Variants in LINGO1 observed in about 807,000 individuals in gnomAD.
The protein encoded by LINGO1 is leucine-rich repeat and immunoglobulin-like domain-containing nogo receptor-interacting protein 1.
LINGO1 carries 11 observed loss-of-function variants against 37.3 expected under a neutral mutation model. The observed-to-expected ratio is 0.29, with a 90% confidence interval of 0.19 to 0.49. The LOEUF is 0.49. Among genes scored for constraint, LINGO1 ranks in the 20% least tolerant of loss-of-function variants. The probability of loss-of-function intolerance (pLI) is 0.99; values close to 1 mark genes in which losing one functional copy is unlikely to be tolerated. For missense variants in LINGO1, 585 were observed against 878.2 expected, an observed-to-expected ratio of 0.67 and a Z score of 4.22; for synonymous variants, 387 against 403.0, an observed-to-expected ratio of 0.96 and a Z score of 0.48.
chr15:77,634,965 GCCA>G (rs2074367591), upstream of LINGO1, among the ~76,000 whole-genome samples: 1 of 152,188 alleles, frequency 6.6e-6, no homozygotes, highest in African/African-American at 2.4e-5. Context: ...GCAAGGCGCG[GCCA>G]CCACATCTCT....
At chr15:77,761,008 C>G (rs762334881) in intron 1 of LINGO1, among the ~76,000 whole-genome samples, 1 of 143,424 alleles carries the variant, frequency 7.0e-6, no homozygotes, top group Non-Finnish European at 1.5e-5. Context: ...CTCACTGCAA[C>G]CTTTGCCTCC....
chr15:77,616,701 C>T (rs569376184), intron 1 of LINGO1, among the ~76,000 whole-genome samples: 6 of 152,258 alleles, frequency 3.9e-5, no homozygotes, highest in South Asian at 4.2e-4. Context: ...TGGGTCCCAT[C>T]GGTGACCCAG....
At chr15:77,675,339 T>G (rs970045624) in intron 3 of LINGO1, among the ~76,000 whole-genome samples, 3 of 152,160 alleles carry the variant, frequency 2.0e-5, no homozygotes, top group Non-Finnish European at 4.4e-5. Flanking sequence ...AGAGGTTCCC[T>G]GAGTGAAGTT....
At chr15:77,790,184 C>A (rs538828297), upstream of LINGO1, among the ~76,000 whole-genome samples, 1 of 152,190 alleles carries the variant, frequency 6.6e-6, no homozygotes, top group Non-Finnish European at 1.5e-5. Context: ...CAAACTAATA[C>A]ACCCACAGAC....
intron 1 of LINGO1, among the ~76,000 whole-genome samples, chr15:77,766,481 C>T (rs1374888716): frequency 5.3e-5 from 8 of 152,012 alleles, no homozygotes; most frequent in Admixed American, 5.2e-4. Flanking sequence ...TATGATTTGG[C>T]TCTGTGTTCC....
At chr15:77,812,323 T>C (rs899771783) in intron 1 of LINGO1, among the ~76,000 whole-genome samples, 1 of 152,120 alleles carries the variant, frequency 6.6e-6, no homozygotes, top group African/African-American at 2.4e-5. Flanking sequence ...CCCCTACCGG[T>C]GGAGCAGAAA....
intron 1 of LINGO1, among the ~76,000 whole-genome samples, chr15:77,812,615 C>T (rs2077014802): frequency 6.6e-6 from 1 of 152,230 alleles, no homozygotes; most frequent in Non-Finnish European, 1.5e-5. Flanking sequence ...GTTTATTGAG[C>T]TTCCTGGTCA....
intron 2 of LINGO1, among the ~76,000 whole-genome samples, chr15:77,683,904 G>A (rs986942562): frequency 2.0e-5 from 3 of 151,854 alleles, no homozygotes; most frequent in Admixed American, 2.0e-4. Flanking sequence ...CAAATTCCCT[G>A]GCGTGGCACC....
At chr15:77,710,897 G>A (rs1233110816) in intron 2 of LINGO1, among the ~76,000 whole-genome samples, 3 of 152,360 alleles carry the variant, frequency 2.0e-5, no homozygotes, top group East Asian at 1.9e-4. Flanking sequence ...CCAATTTCCC[G>A]CTGTTGGCAT....
At chr15:77,642,930 A>C (rs921375520) in intron 3 of LINGO1, among the ~76,000 whole-genome samples, 1 of 152,204 alleles carries the variant, frequency 6.6e-6, no homozygotes, top group African/African-American at 2.4e-5. Context: ...GAGGTGCCTT[A>C]GCTGCCTGAG....
rs115309996 is a variant in LINGO1, at chr15:77,674,638, C to T, written c.-13+2451G>A. Among the ~76,000 whole-genome samples the T allele has an allele frequency of 8.8e-3, 1,337 of 152,162 alleles. 5 individuals carry two copies. Among genetic ancestry groups the T allele is most frequent in the African/African-American group, 0.029 (1,192 of 41,520 alleles). ...CCTGCTGTTCCCTCTGTTTGGAAGG[C>T]GCTTCCCCCACAACATCCACCCAAC... On this transcript the variant is annotated intron_variant, in intron 3 of 3. Coordinates refer to the LINGO1 transcript ENST00000559893.
intron 3 of LINGO1, among the ~76,000 whole-genome samples, chr15:77,661,132 G>A (rs1254160598): frequency 6.6e-6 from 1 of 152,204 alleles, no homozygotes; most frequent in Admixed American, 6.5e-5. Flanking sequence ...GGATGGGTTA[G>A]CTTCATCCCT....
chr15:77,665,972 T>C (rs1457107158), intron 3 of LINGO1, among the ~76,000 whole-genome samples: 1 of 152,218 alleles, frequency 6.6e-6, no homozygotes, highest in African/African-American at 2.4e-5. Flanking sequence ...TCCCCAGCAC[T>C]GGTGAGCCCT....
chr15:77,632,161 G>A lies in LINGO1; in HGVS notation c.6+149C>T, dbSNP rs937047544. 7.4e-6 allele frequency: 5 copies of A among 676,950 alleles called. No individual in the cohort carries two copies. The South Asian group carries it at 2.7e-4, about 36-fold the overall frequency. 41.9% of individuals were successfully genotyped at this position (676,950 alleles called of 1,614,324 possible). A position where few individuals can be genotyped will look rare whatever the true frequency, so the allele number is the denominator to read the frequency against. On this transcript the variant is annotated intron_variant, in intron 1 of 1. Transcript: ENST00000355300. This position sits in a 1 kb window ranked among gnomAD's most constrained non-coding sequence, Gnocchi z 6.0. The stretch of plus-strand genomic sequence containing the variant: ...AATTTTCATTTCTGAGGCTTGAGGG[G>A]AAATCAGGCCTATGACCCCAAAGGA...
At chr15:77,809,734 C>A (rs1028717974) in intron 1 of LINGO1, among the ~76,000 whole-genome samples, 1 of 152,212 alleles carries the variant, frequency 6.6e-6, no homozygotes, top group Non-Finnish European at 1.5e-5. Context: ...ATGACCTGTC[C>A]TCCCCACCTG....
At position 77,777,465 on chromosome 15, in the gene LINGO1, GCACACACACA is replaced by G. The variant is rs112112009; in HGVS notation, c.-257+9394_-257+9403del. On this transcript the variant is annotated intron_variant, in intron 1 of 3. Coordinates refer to the LINGO1 transcript ENST00000561686. ...ACAGATTTTGGACATATACACACAC[GCACACACACA>G]CACACACACACACACACACACACAC... is the stretch of plus-strand genomic sequence containing the variant. Among the ~76,000 whole-genome samples, 440 of 140,092 alleles carry G rather than the reference GCACACACACA, an allele frequency of 3.1e-3. 4 individuals carry two copies. Among genetic ancestry groups the G allele is most frequent in the African/African-American group, 0.011 (404 of 35,778 alleles). 91.9% of individuals were successfully genotyped at this position (140,092 alleles called of 152,430 possible).
At chr15:77,771,231 C>T (rs538301393) in intron 1 of LINGO1, among the ~76,000 whole-genome samples, 1 of 152,298 alleles carries the variant, frequency 6.6e-6, no homozygotes, top group East Asian at 1.9e-4. Flanking sequence ...ATATTTGCAA[C>T]CACTTTTGAG....
At chr15:77,680,800 A>G (rs72744601) in intron 2 of LINGO1, among the ~76,000 whole-genome samples, 30,075 of 152,166 alleles carry the variant, frequency 0.2, 3,074 homozygotes, top group Middle Eastern at 0.28. Flanking sequence ...CAACTCAGGG[A>G]GATAAGGAAA....
At chr15:77,660,765 A>G (rs1416891479) in intron 3 of LINGO1, among the ~76,000 whole-genome samples, 1 of 152,024 alleles carries the variant, frequency 6.6e-6, no homozygotes, top group Non-Finnish European at 1.5e-5. Flanking sequence ...TCAAGGGCTG[A>G]GAGTCTGTCT....
Sources: allele counts gnomAD v4.1 joint callset (sites outside exome capture counted in the v4.1 genomes callset), GRCh38; gene constraint gnomAD v4.1.1; non-coding constraint Gnocchi (gnomAD v3.1); transcripts MANE v1.5; gene names NCBI Gene and HGNC (gene_info 2026-07-23, HGNC 2026-07-21).